The following CENPI variants were observed in gnomAD, a reference collection of about 807,000 sequenced individuals.
CENPI encodes the protein FSH primary response 1.
CENPI carries 4 observed loss-of-function variants against 60.4 expected under a neutral mutation model. That is an observed-to-expected ratio of 0.07 (90% CI 0.03 to 0.15). The LOEUF is 0.15. Ranked by LOEUF, CENPI falls within the 10% of genes least tolerant of loss-of-function variation. The probability of loss-of-function intolerance (pLI) is 1.00; values close to 1 mark genes in which losing one functional copy is unlikely to be tolerated. For synonymous variants in CENPI, 157 were observed against 189.4 expected (o/e 0.83, Z 1.40); for missense variants, 444 against 534.5 (o/e 0.83, Z 1.67).
the CENPI span, among the ~76,000 whole-genome samples, chrX:101,173,633 A>G: frequency 9.0e-6 from 1 of 111,222 alleles, no homozygotes. Context: ...ACGAATCCAT[A>G]GAAATACAAA....
chrX:101,161,764 G>A (rs1364599771), intron 21 of CENPI, among the ~76,000 whole-genome samples, 195 bp downstream of exon 21: 1 of 110,988 alleles, frequency 9.0e-6, no homozygotes, highest in Admixed American at 9.7e-5. Context: ...GTCTTATCTA[G>A]GATATAACTT....
the CENPI span, among the ~76,000 whole-genome samples, chrX:101,178,427 A>G: frequency 1.6e-4 from 2 of 12,215 alleles, no homozygotes; most frequent in South Asian, 4.8e-3. Context: ...TTTTTTTTTG[A>G]GACAGAGAGT....
chrX:101,124,090 AGTGTGT>A (rs397842781), intron 8 of CENPI, among the ~76,000 whole-genome samples: 26,844 of 87,907 alleles, frequency 0.31, 3,388 homozygotes, highest in Middle Eastern at 0.4. Context: ...TATAGAATCA[AGTGTGT>A]GTGTGTGTGT....
chrX:101,160,070 A>G (rs1209251788), intron 20 of CENPI, among the ~76,000 whole-genome samples: 1 of 112,398 alleles, frequency 8.9e-6, no homozygotes, highest in Non-Finnish European at 1.9e-5. Context: ...TCCTGCTTCT[A>G]AGAGATCAGA....
chrX:101,120,526 C>T, intron 7 of CENPI, 76 bp downstream of exon 7: 1 of 626,110 alleles, frequency 1.6e-6, no homozygotes, highest in Non-Finnish European at 2.6e-6. Flanking sequence ...GTTAAAATAA[C>T]TATTAGCATT....
Position 101,102,301 on chromosome X carries a change from A to G in CENPI, c.254A>G (p.Asp85Gly), listed in dbSNP as rs1318143824. The change falls in exon 4 of 22, where the codon GAT becomes GGT. Residue 85 changes from aspartate (D) to glycine (G), a missense_variant. Transcript: ENST00000682095. ...KGPIKASQNK[D>G]KTLEKHLKTV... ...CCCATTAAAGCTTCACAGAATAAAG[A>G]TAAAACCTTGGAAAAACACTTGAAA... is the stretch of plus-strand genomic sequence containing the variant. The G allele has an allele frequency of 8.4e-7, 1 of 1,193,899 alleles. No individual in the cohort carries two copies. The highest frequency in any genetic ancestry group is 1.1e-6 in the Non-Finnish European group (1 of 882,874).
At chrX:101,120,978 C>A (rs756675030) in intron 8 of CENPI, among the ~76,000 whole-genome samples, 194 bp downstream of exon 8, 1 of 108,030 alleles carries the variant, frequency 9.3e-6, no homozygotes, top group East Asian at 2.9e-4. Context: ...CAGGTTCAAG[C>A]GATTCTCCTG....
chrX:101,151,856 AAC>A (rs1289793051), intron 20 of CENPI, among the ~76,000 whole-genome samples: 1 of 108,650 alleles, frequency 9.2e-6, no homozygotes, highest in Non-Finnish European at 1.9e-5. Flanking sequence ...AAAAAAAAAA[AAC>A]AAGAACAACA....
downstream of CENPI, among the ~76,000 whole-genome samples, chrX:101,170,648 T>A (rs1406499808): frequency 1.8e-5 from 2 of 111,887 alleles, no homozygotes; most frequent in African/African-American, 6.5e-5. Context: ...TTTTCTTTTT[T>A]CTTTGAGACA....
chrX:101,138,520 G>A (rs764643230), intron 15 of CENPI, among the ~76,000 whole-genome samples: 2 of 109,349 alleles, frequency 1.8e-5, no homozygotes, highest in Admixed American at 9.8e-5. Context: ...TAGAGATGGG[G>A]TTTCTCCATG....
intron 8 of CENPI, among the ~76,000 whole-genome samples, chrX:101,123,378 A>C (rs1405180721): frequency 9.0e-6 from 1 of 110,914 alleles, no homozygotes; most frequent in Non-Finnish European, 1.9e-5. Flanking sequence ...ATTTTCCTAC[A>C]TACACTAGGC....
chrX:101,124,491 C>T (rs1370096491), intron 8 of CENPI, among the ~76,000 whole-genome samples: 1 of 111,459 alleles, frequency 9.0e-6, no homozygotes, highest in Non-Finnish European at 1.9e-5. Context: ...TAATGTTTCT[C>T]CAAATATCTG....
At chrX:101,137,688 A>C (rs2089861067) in intron 15 of CENPI, among the ~76,000 whole-genome samples, 1 of 110,162 alleles carries the variant, frequency 9.1e-6, no homozygotes, top group African/African-American at 3.3e-5. Flanking sequence ...AACTAGGGAT[A>C]TTTTGCCTGG....
At chrX:101,158,893 A>G (rs1466879751) in intron 20 of CENPI, among the ~76,000 whole-genome samples, 1 of 111,439 alleles carries the variant, frequency 9.0e-6, no homozygotes, top group Non-Finnish European at 1.9e-5. Context: ...GGCCTCCCAA[A>G]GTGCTGGGAT....
intron 6 of CENPI, among the ~76,000 whole-genome samples, chrX:101,120,131 A>G (rs750067856): frequency 8.9e-6 from 1 of 112,354 alleles, no homozygotes; most frequent in Admixed American, 9.5e-5. Context: ...GTTAGGTAGG[A>G]GGATGATAGG....
chrX:101,169,549 TTGA>T (rs1236110331), downstream of CENPI, among the ~76,000 whole-genome samples: 4 of 112,584 alleles, frequency 3.6e-5, no homozygotes, highest in South Asian at 3.7e-4. Context: ...CAGATTATAC[TTGA>T]TGAGAATAAA....
intron 16 of CENPI, chrX:101,141,416 C>G (rs1229896126): frequency 9.0e-6 from 1 of 111,204 alleles, no homozygotes; most frequent in Non-Finnish European, 1.9e-5. Flanking sequence ...ATTGGCTCAC[C>G]TCAACCTCCA....
At chrX:101,153,391 G>C (rs1029630486) in intron 20 of CENPI, among the ~76,000 whole-genome samples, 2 of 108,357 alleles carry the variant, frequency 1.8e-5, no homozygotes, top group Non-Finnish European at 3.8e-5. Context: ...TTGAACTCCA[G>C]AGCTCAATTG....
rs777142430 is a variant in CENPI, at chrX:101,162,928, TC to T, written c.2235del (p.Arg746GlufsTer5). ...GAAGTAGTGTTCATCATTCTTCCAT[TC>T]CCAGAGCAGAGGGCATAAACTGCAA... ...IRSSVHHSSI[P>X]RAEGINCNNQ... On this transcript the variant is annotated frameshift_variant, in exon 22 of 22. Coordinates refer to ENST00000682095, the MANE Select transcript of CENPI (RefSeq NM_001386188.2). LOFTEE classifies it high-confidence loss of function. The T allele has an allele frequency of 1.4e-4, 166 of 1,207,473 alleles. No individual in the cohort carries two copies. Among genetic ancestry groups the T allele is most frequent in the Middle Eastern group, 1.2e-3 (5 of 4,347 alleles).
Sources: gnomAD v4.1 joint callset for allele counts (sites outside exome capture counted in the v4.1 genomes callset) on GRCh38, gnomAD v4.1.1 for gene constraint, MANE v1.5 for transcripts, NCBI Gene and HGNC (gene_info 2026-07-23, HGNC 2026-07-21) for gene names.